TCP11L2: variants seen among roughly 807,000 people sequenced by gnomAD.
TCP11L2 encodes the protein t-complex 11 like 2.
A neutral mutation model predicts 50.7 loss-of-function variants in TCP11L2; 39 were observed. The observed-to-expected ratio is 0.77, with a 90% CI of 0.60 to 1.01. TCP11L2 has a LOEUF of 1.01. Ranked by LOEUF, TCP11L2 falls within the 50% of genes least tolerant of loss-of-function variation. The pLI is 0.00. For synonymous variants in TCP11L2, 192 were observed against 219.3 expected, an observed-to-expected ratio of 0.88 and a Z score of 1.10; for missense variants, 612 against 614.7, an observed-to-expected ratio of 1.00 and a Z score of 0.05.
At chr12:106,328,297 G>C (rs1027647253) in intron 6 of TCP11L2, among the ~76,000 whole-genome samples, 9 of 152,240 alleles carry the variant, frequency 5.9e-5, no homozygotes, top group Non-Finnish European at 1.5e-5. Flanking sequence ...TGTAATCCCA[G>C]CACTTTGGGA....
intron 6 of TCP11L2, among the ~76,000 whole-genome samples, chr12:106,331,035 G>A (rs1035119702): frequency 2.6e-5 from 4 of 152,272 alleles, no homozygotes; most frequent in African/African-American, 9.6e-5. Flanking sequence ...GTCTAAAGTG[G>A]AAGGACAATC....
chr12:106,305,515 G>A (rs1197417136), intron 1 of TCP11L2, among the ~76,000 whole-genome samples: 3 of 152,190 alleles, frequency 2.0e-5, no homozygotes, highest in African/African-American at 7.2e-5. Flanking sequence ...GCACACAAGT[G>A]TAGTACTGTA....
At chr12:106,298,824 T>C (rs1378551997), upstream of TCP11L2, among the ~76,000 whole-genome samples, 4 of 144,796 alleles carry the variant, frequency 2.8e-5, no homozygotes, top group African/African-American at 5.2e-5. Context: ...TGCCCGGCCA[T>C]TTTTTTTTGT....
In TCP11L2 at chr12:106,316,147, C is replaced by T. The variant is rs145460134; in HGVS notation, c.293+1654C>T. On this transcript the variant is annotated intron_variant, in intron 3 of 9. Transcript: ENST00000299045. ...GCCATGACCCTTGATACCAGCTCTA[C>T]TGCTACAGCCCTAGGCTAGGCCACC... Among the ~76,000 whole-genome samples the T allele has an allele frequency of 5.7e-4, 87 of 152,296 alleles. 1 individual carries two copies. The highest frequency in any genetic ancestry group is 1.9e-3 in the African/African-American group (81 of 41,558).
upstream of TCP11L2, among the ~76,000 whole-genome samples, chr12:106,302,182 A>G (rs2034433935): frequency 1.3e-5 from 2 of 152,046 alleles, no homozygotes; most frequent in Admixed American, 6.5e-5. Context: ...CGGGCACTCA[A>G]TGTTCCACGC....
At chr12:106,305,717 G>T (rs893101170) in intron 1 of TCP11L2, among the ~76,000 whole-genome samples, 2 of 152,172 alleles carry the variant, frequency 1.3e-5, no homozygotes, top group Non-Finnish European at 2.9e-5. Context: ...ATCAGGGAAG[G>T]TTACCTCGTA....
At chr12:106,333,663 GA>G (rs965779635) in intron 6 of TCP11L2, among the ~76,000 whole-genome samples, 1 of 151,650 alleles carries the variant, frequency 6.6e-6, no homozygotes. Context: ...TTATATATGT[GA>G]AAAAAACAAA....
At chr12:106,302,448 C>T (rs1253729062), upstream of TCP11L2, among the ~76,000 whole-genome samples, 1 of 148,744 alleles carries the variant, frequency 6.7e-6, no homozygotes, top group African/African-American at 2.5e-5. Context: ...AGTGCCCTGG[C>T]AGGCCCCGCC....
intron 6 of TCP11L2, among the ~76,000 whole-genome samples, chr12:106,327,976 G>A (rs1479498037): frequency 2.6e-5 from 4 of 152,094 alleles, no homozygotes; most frequent in Non-Finnish European, 5.9e-5. Context: ...ATTATCCCTG[G>A]GTGGGGGCCA....
Position 106,321,491 on chromosome 12 carries a change from T to G in TCP11L2, c.420T>G (p.Leu140=). ...IKLFEEIREI[L]LSFLTPGGNR... is the part of the protein sequence containing the mutation. ...TTTTATTTCTTTCCCTGTAGATTCTTCTCTCTTTTCTCACTCCCGGTGGCA... is the reference window on the plus strand; with the variant it reads ...TTTTATTTCTTTCCCTGTAGATTCTGCTCTCTTTTCTCACTCCCGGTGGCA... Residue 140 remains leucine (L), a synonymous_variant, in exon 5 of 10, where the codon CTT becomes CTG. Transcript: ENST00000299045. The G allele has an allele frequency of 6.2e-7, 1 of 1,612,724 alleles. No individual in the cohort carries two copies. Among genetic ancestry groups the G allele is most frequent in the Admixed American group, 1.7e-5 (1 of 59,830 alleles).
At chr12:106,306,898 A>T (rs1001229773) in intron 1 of TCP11L2, among the ~76,000 whole-genome samples, 1 of 152,218 alleles carries the variant, frequency 6.6e-6, no homozygotes, top group African/African-American at 2.4e-5. Context: ...TTATGGCTTC[A>T]GTGACATGTA....
At chr12:106,345,217 G>A (rs2036196263) in intron 9 of TCP11L2, among the ~76,000 whole-genome samples, 1 of 152,008 alleles carries the variant, frequency 6.6e-6, no homozygotes, top group African/African-American at 2.4e-5. Context: ...GGCTGGTCTC[G>A]AACTCCTAGG....
At chr12:106,321,292 G>T (rs2035324738) in intron 4 of TCP11L2, among the ~76,000 whole-genome samples, 194 bp from the exon 5 acceptor site, 1 of 152,122 alleles carries the variant, frequency 6.6e-6, no homozygotes, top group Non-Finnish European at 1.5e-5. Flanking sequence ...CTTTAATTCA[G>T]AAGATAGACC....
intron 2 of TCP11L2, among the ~76,000 whole-genome samples, chr12:106,313,042 C>T (rs1460726476): frequency 6.6e-6 from 1 of 152,124 alleles, no homozygotes; most frequent in Admixed American, 6.5e-5. Flanking sequence ...AACTCAGATT[C>T]TTCATTTACT....
At chr12:106,329,536 A>G in intron 6 of TCP11L2, 2 of 1,449,206 alleles carry the variant, frequency 1.4e-6, no homozygotes, top group South Asian at 1.4e-5. Context: ...GTTTAAACAC[A>G]GAGGCCTGAG....
In TCP11L2 at chr12:106,311,147, C is replaced by T. The variant is rs371976947; in HGVS notation, c.72C>T (p.Ser24=). ...QPSDSDSSRF[S]ESMASLSDYE... is the part of the protein sequence containing the mutation. Reference sequence around the variant, plus strand: ...GCGATTCTGATTCTTCCCGGTTTTCCGAAAGCATGGCTTCGCTCAGTGACT... The same window carrying T: ...GCGATTCTGATTCTTCCCGGTTTTCTGAAAGCATGGCTTCGCTCAGTGACT... The change falls in exon 2 of 10, where the codon TCC becomes TCT. Residue 24 remains serine (S), a synonymous_variant. Transcript: ENST00000299045. 1.9e-5 allele frequency: 31 copies of T among 1,614,068 alleles called. No homozygotes were observed. The highest frequency in any genetic ancestry group is 6.7e-5 in the African/African-American group (5 of 74,922).
chr12:106,321,373 C>A, intron 4 of TCP11L2, 113 bp from the exon 5 acceptor site: 1 of 847,006 alleles, frequency 1.2e-6, no homozygotes, highest in Non-Finnish European at 1.9e-6. Flanking sequence ...ACTTCTGTGG[C>A]ATCTGAGGCA....
In TCP11L2 at chr12:106,321,554, A is replaced by C; in HGVS notation, c.483A>C (p.Thr161=). Residue 161 remains threonine, a synonymous_variant, in exon 5 of 10, where the codon ACA becomes ACC. Transcript: ENST00000299045. ...LRNQICEVLD[T]DLIRQQAEHS... is the part of the protein sequence containing the mutation. ...ACCAAATCTGTGAAGTTTTGGACAC[A>C]GACCTCATTAGGCAGCAGGCTGAGC... The C allele has an allele frequency of 6.2e-7, 1 of 1,614,234 alleles. No individual in the cohort carries two copies. Among genetic ancestry groups the C allele is most frequent in the Non-Finnish European group, 8.5e-7 (1 of 1,180,042 alleles).
intron 6 of TCP11L2, among the ~76,000 whole-genome samples, chr12:106,334,941 A>G (rs905932395): frequency 6.6e-6 from 1 of 151,318 alleles, no homozygotes; most frequent in South Asian, 2.1e-4. Flanking sequence ...ACCCCGTCTT[A>G]AAAAAAAAGA....
Sources: allele counts gnomAD v4.1 joint callset (sites outside exome capture counted in the v4.1 genomes callset), GRCh38; gene constraint gnomAD v4.1.1; transcripts MANE v1.5; gene names NCBI Gene and HGNC (gene_info 2026-07-23, HGNC 2026-07-21).